Variants in RABGAP1L observed in about 807,000 individuals in gnomAD.
RABGAP1L encodes the protein rab GTPase-activating protein 1-like.
A neutral mutation model predicts 137.7 loss-of-function variants in RABGAP1L; 63 were observed. That is an observed-to-expected ratio of 0.46 (90% CI 0.37 to 0.56). RABGAP1L has a LOEUF of 0.56. RABGAP1L is among the 20% of genes least tolerant of loss of function. The pLI, the probability that RABGAP1L is intolerant of heterozygous loss-of-function variation, is 0.00. For synonymous variants in RABGAP1L, 431 were observed against 433.7 expected, an observed-to-expected ratio of 0.99 and a Z score of 0.08; for missense variants, 1,095 against 1,244.0, an observed-to-expected ratio of 0.88 and a Z score of 1.80.
chr1:174,944,415 G>A (rs957653045), intron 19 of RABGAP1L, among the ~76,000 whole-genome samples: 4 of 151,936 alleles, frequency 2.6e-5, no homozygotes, highest in Admixed American at 6.6e-5. Flanking sequence ...AGGCCAAAGT[G>A]TACAGATCAC....
rs1387817607 is a variant in RABGAP1L, at chr1:174,448,538, A to G, written c.1710+54393A>G. ...CATCAGTGTGGATCGTTATCTTGCA[A>G]TAACCAAGCCTCTTTCCTACAATCA... On this transcript the variant is annotated intron_variant, in intron 13 of 25. Coordinates refer to ENST00000681986, the MANE Select transcript of RABGAP1L (RefSeq NM_001366446.1). This position sits in a 1 kb window ranked among gnomAD's most constrained non-coding sequence, Gnocchi z 4.2. The G allele has an allele frequency of 4.3e-6, 7 of 1,612,934 alleles. No individual in the cohort carries two copies. The highest frequency in any genetic ancestry group is 2.2e-5 in the East Asian group (1 of 44,838).
At chr1:174,262,255 A>G (rs1673637774) in intron 7 of RABGAP1L, among the ~76,000 whole-genome samples, 1 of 152,142 alleles carries the variant, frequency 6.6e-6, no homozygotes, top group Admixed American at 6.6e-5. Context: ...GCATCTTTTC[A>G]TTGCTGGCTT....
chr1:174,393,448 G>C (rs1647412767), intron 12 of RABGAP1L, among the ~76,000 whole-genome samples: 1 of 152,288 alleles, frequency 6.6e-6, no homozygotes, highest in Admixed American at 6.5e-5. Flanking sequence ...TGGCCGCCAG[G>C]TAAAACTTGA....
chr1:174,530,657 A>G (rs1043363868), intron 13 of RABGAP1L, among the ~76,000 whole-genome samples: 1 of 152,134 alleles, frequency 6.6e-6, no homozygotes, highest in Non-Finnish European at 1.5e-5. Flanking sequence ...TCCTTGCTTT[A>G]GGTATTTCCT....
chr1:174,560,128 T>A (rs934915334), intron 13 of RABGAP1L, among the ~76,000 whole-genome samples: 1 of 151,014 alleles, frequency 6.6e-6, no homozygotes, highest in Admixed American at 6.6e-5. Flanking sequence ...GGCGAGACTC[T>A]GTCTCAGAAA....
At chr1:174,526,946 A>G (rs1484898562) in intron 13 of RABGAP1L, among the ~76,000 whole-genome samples, 1 of 152,068 alleles carries the variant, frequency 6.6e-6, no homozygotes, top group East Asian at 1.9e-4. Flanking sequence ...TTTACTTTTT[A>G]AATGTAGGCA....
intron 10 of RABGAP1L, among the ~76,000 whole-genome samples, chr1:174,301,565 CAAG>C (rs1677710276): frequency 1.3e-5 from 2 of 151,562 alleles, no homozygotes; most frequent in Admixed American, 6.6e-5. Context: ...GTCCCATGAC[CAAG>C]AAGAATAGGA....
chr1:174,702,646 TAAC>T (rs975786122), intron 17 of RABGAP1L, among the ~76,000 whole-genome samples: 5 of 152,282 alleles, frequency 3.3e-5, no homozygotes, highest in African/African-American at 9.6e-5. Flanking sequence ...ATTTTTATAA[TAAC>T]TAATTTCTCA....
At chr1:174,320,390 G>C (rs997986035) in intron 11 of RABGAP1L, among the ~76,000 whole-genome samples, 1 of 152,112 alleles carries the variant, frequency 6.6e-6, no homozygotes, top group Non-Finnish European at 1.5e-5. Flanking sequence ...ATGCCTTTTA[G>C]ATTTATGTAC....
chr1:174,570,196 T>C (rs1667871981), intron 13 of RABGAP1L, among the ~76,000 whole-genome samples: 1 of 152,230 alleles, frequency 6.6e-6, no homozygotes, highest in African/African-American at 2.4e-5. Context: ...GCATTACATA[T>C]TCATAGATAT....
chr1:174,984,907 C>T (rs921663909), intron 24 of RABGAP1L, among the ~76,000 whole-genome samples: 17 of 152,084 alleles, frequency 1.1e-4, no homozygotes, highest in Non-Finnish European at 2.4e-4. Flanking sequence ...TTAAACAGAA[C>T]ATTATAGAAG....
chr1:174,598,022 A>G (rs1410553633), intron 13 of RABGAP1L, among the ~76,000 whole-genome samples: 11 of 152,134 alleles, frequency 7.2e-5, no homozygotes, highest in Non-Finnish European at 1.5e-5. Flanking sequence ...GATAATTGAT[A>G]TGATTTCAGG....
intron 19 of RABGAP1L, among the ~76,000 whole-genome samples, chr1:174,925,289 A>T (rs1414445019): frequency 7.2e-6 from 1 of 138,662 alleles, no homozygotes; most frequent in Non-Finnish European, 1.5e-5. Context: ...CGGAGCTTGC[A>T]GTGAGCCGAG....
chr1:174,646,876 T>C (rs1675009942), intron 14 of RABGAP1L, among the ~76,000 whole-genome samples: 1 of 152,200 alleles, frequency 6.6e-6, no homozygotes, highest in South Asian at 2.1e-4. Context: ...TTGTGTCCTC[T>C]CTTATTTCCT....
At chr1:174,679,599 G>T (rs1677897141) in intron 14 of RABGAP1L, among the ~76,000 whole-genome samples, 1 of 152,184 alleles carries the variant, frequency 6.6e-6, no homozygotes, top group South Asian at 2.1e-4. Context: ...AGTCAGTGCA[G>T]TAGGGCAAGA....
Position 174,662,102 on chromosome 1 carries a change from C to CTTTT in RABGAP1L, c.1825-21404_1825-21401dup, listed in dbSNP as rs749496325. ...GTATCCAGAAGAAGGCTTTTCTTTTCTTTTTTTTTTTTTTTTTTTGAGTTG... is the reference window on the plus strand; with the variant it reads ...GTATCCAGAAGAAGGCTTTTCTTTTCTTTTTTTTTTTTTTTTTTTTTTTGAGTTG... On this transcript the variant is annotated intron_variant, in intron 14 of 25. Coordinates refer to ENST00000681986, the MANE Select transcript of RABGAP1L (RefSeq NM_001366446.1). Among the ~76,000 whole-genome samples, 672 of 90,214 alleles carry CTTTT rather than the reference C, an allele frequency of 7.4e-3. 12 individuals carry two copies. Among genetic ancestry groups the CTTTT allele is most frequent in the African/African-American group, 0.029 (469 of 16,020 alleles). 59.2% of individuals were successfully genotyped at this position (90,214 alleles called of 152,430 possible). A position where few individuals can be genotyped will look rare whatever the true frequency, so the allele number is the denominator to read the frequency against.
At chr1:174,458,954 T>C (rs1018107089) in intron 13 of RABGAP1L, among the ~76,000 whole-genome samples, 2 of 152,038 alleles carry the variant, frequency 1.3e-5, no homozygotes, top group African/African-American at 4.8e-5. Flanking sequence ...TAAATTTACA[T>C]GCAACTCTAA....
chr1:174,988,899 T>G, intron 25 of RABGAP1L, 61 bp downstream of exon 25: 1 of 1,431,798 alleles, frequency 7.0e-7, no homozygotes, highest in Non-Finnish European at 9.3e-7. Context: ...CAGGATACTC[T>G]AGTACTTCAG....
chr1:174,533,903 C>T (rs1251133488), intron 13 of RABGAP1L, among the ~76,000 whole-genome samples: 2 of 152,074 alleles, frequency 1.3e-5, no homozygotes, highest in African/African-American at 4.8e-5. Context: ...AACTCCTGAC[C>T]TCAGGTGATC....
Sources: allele counts gnomAD v4.1 joint callset (sites outside exome capture counted in the v4.1 genomes callset), GRCh38; gene constraint gnomAD v4.1.1; non-coding constraint Gnocchi (gnomAD v3.1); transcripts MANE v1.5; gene names NCBI Gene and HGNC (gene_info 2026-07-23, HGNC 2026-07-21).